CDX2: variants seen among roughly 807,000 people sequenced by gnomAD.
The protein encoded by CDX2 is homeobox protein CDX-2.
A neutral mutation model predicts 25.5 loss-of-function variants in CDX2; 7 were observed. The ratio of observed to expected loss-of-function variants is 0.27; its 90% CI spans 0.16 to 0.52. The LOEUF (loss-of-function observed/expected upper bound fraction) is 0.52. Ranked by LOEUF, CDX2 falls within the 20% of genes least tolerant of loss-of-function variation. CDX2 has a pLI of 0.97. For missense variants in CDX2, 375 were observed against 431.4 expected (o/e 0.87, Z 1.16); for synonymous variants, 222 against 198.6 (o/e 1.12, Z -0.99).
intron 1 of CDX2, 138 bp downstream of exon 1, chr13:27,968,328 G>C (rs1338395436): frequency 7.3e-6 from 8 of 1,092,268 alleles, no homozygotes; most frequent in Non-Finnish European, 9.7e-6. Context: ...ATTTGTCTCC[G>C]GGCCGTGCCC....
rs375335076 is a variant in CDX2, at chr13:27,968,734, G to C, written c.273C>G (p.Ala91=). 1 of 1,510,852 alleles carries C rather than the reference G, an allele frequency of 6.6e-7. No homozygotes were observed. Among genetic ancestry groups the C allele is most frequent in the Non-Finnish European group, 8.8e-7 (1 of 1,136,744 alleles). The allele number at this position is 1,510,852 out of a possible 1,614,324, so 93.6% of individuals were successfully genotyped here. ...AGCCACCGTTGAGGCCGTGAGCCACGGCGTTGGCGGCGGCCGCGGCGCCTC... is the reference window on the plus strand; with the variant it reads ...AGCCACCGTTGAGGCCGTGAGCCACCGCGTTGGCGGCGGCCGCGGCGCCTC... ...APGGAAAAAN[A]VAHGLNGGSP... is the part of the protein sequence containing the mutation. Residue 91 remains alanine, a synonymous_variant, in exon 1 of 3, where the codon GCC becomes GCG. Transcript: ENST00000381020.
Position 27,962,075 on chromosome 13 carries a change from T to C in CDX2, c.*1040A>G, listed in dbSNP as rs957405191. The C allele has an allele frequency of 2.2e-5, 5 of 229,884 alleles. No homozygotes were observed. Among genetic ancestry groups the C allele is most frequent in the South Asian group, 1.8e-4 (1 of 5,494 alleles). 14.2% of individuals were successfully genotyped at this position (229,884 alleles called of 1,614,324 possible). A position where few individuals can be genotyped will look rare whatever the true frequency, so the allele number is the denominator to read the frequency against. ...AATCAGCTTGCAAGCAGAGAAGATA[T>C]TTCATTTCTTTAAAAAATAAAAAAT... On this transcript the variant is annotated 3_prime_UTR_variant, in exon 3 of 3. Transcript: ENST00000381020.
rs1869151331 is a variant in CDX2, at chr13:27,963,221, G to A, written c.836C>T (p.Pro279Leu). ...GGAAGACACCGGACTCAAGGGCTCT[G>A]GGACACTTCTCAGAGGACCTGGCTG... is the stretch of plus-strand genomic sequence containing the variant. ...QPQPGPLRSV[P>L]EPLSPVSSLQ... Residue 279 changes from proline to leucine, a missense_variant, in exon 3 of 3, where the codon CCA (proline) becomes CTA (leucine). Pro to Leu is a moderately conservative substitution (Grantham distance 98, BLOSUM62 -3). Transcript: ENST00000381020. 1.2e-6 allele frequency: 2 copies of A among 1,614,076 alleles called. No homozygotes were observed. Among genetic ancestry groups the A allele is most frequent in the Admixed American group, 3.3e-5 (2 of 60,004 alleles).
Position 27,961,698 on chromosome 13 carries a change from A to T in CDX2, c.*1417T>A, listed in dbSNP as rs80106665. 0.038 allele frequency among the ~76,000 whole-genome samples: 323 copies of T among 8,582 alleles called. 2 individuals are homozygous for T. Among genetic ancestry groups the T allele is most frequent in the South Asian group, 0.23 (38 of 162 alleles). The allele number at this position is 8,582 out of a possible 152,430, so 5.6% of individuals were successfully genotyped here. A position where few individuals can be genotyped will look rare whatever the true frequency, so the allele number is the denominator to read the frequency against. On this transcript the variant is annotated 3_prime_UTR_variant, in exon 3 of 3. Transcript: ENST00000381020. The stretch of plus-strand genomic sequence containing the variant: ...TTGGGAAACTAGGGGGATTTTTTTT[A>T]AAAAAAATTTAATGCTCACGTTTAA...
At chr13:27,968,366 C>T in intron 1 of CDX2, 100 bp downstream of exon 1, 1 of 1,324,090 alleles carries the variant, frequency 7.6e-7, no homozygotes, top group Non-Finnish European at 9.7e-7. Context: ...CCAGACAGCC[C>T]GGGACGCCCC....
chr13:27,969,239 C>T lies in CDX2; in HGVS notation c.-233G>A, dbSNP rs2137546882. ...CTTCCTTCTTTCCTCCCACCTCCTT[C>T]CCACTAGGCTGCAGAGGCGGGGAAG... On this transcript the variant is annotated 5_prime_UTR_variant, in exon 1 of 3. Coordinates refer to ENST00000381020, the MANE Select transcript of CDX2 (RefSeq NM_001265.6). 5.6e-6 allele frequency: 3 copies of T among 536,488 alleles called. No individual in the cohort carries two copies. The highest frequency in any genetic ancestry group is 9.8e-6 in the Non-Finnish European group (3 of 305,266). 33.2% of individuals were successfully genotyped at this position (536,488 alleles called of 1,614,324 possible).
At position 27,963,025 on chromosome 13, in the gene CDX2, A is replaced by C; in HGVS notation, c.*90T>G. 2.4e-6 allele frequency: 3 copies of C among 1,262,460 alleles called. No individual in the cohort carries two copies. The highest frequency in any genetic ancestry group is 3.5e-5 in the South Asian group (2 of 57,358). 78.2% of individuals were successfully genotyped at this position (1,262,460 alleles called of 1,614,324 possible). ...CTGTAGGTCTATGGCTGTGGGTGGGAGGGGAGGGGTCTCTCCTGAGGAGTC... is the reference window on the plus strand; with the variant it reads ...CTGTAGGTCTATGGCTGTGGGTGGGCGGGGAGGGGTCTCTCCTGAGGAGTC... On this transcript the variant is annotated 3_prime_UTR_variant, in exon 3 of 3. Transcript: ENST00000381020.
chr13:27,965,378 G>A (rs1240225606), intron 1 of CDX2, among the ~76,000 whole-genome samples: 2 of 152,196 alleles, frequency 1.3e-5, no homozygotes, highest in Non-Finnish European at 2.9e-5. Flanking sequence ...CCGGGATCCT[G>A]GAAGCATCCA....
chr13:27,963,188 G>C lies in CDX2; in HGVS notation c.869C>G (p.Ala290Gly). Residue 290 changes from alanine (A) to glycine (G), a missense_variant, in exon 3 of 3, where the codon GCC becomes GGC. This residue lies in a region of CDX2 where 58 missense variants were observed against 59.4 expected (regional missense o/e 0.98). Transcript: ENST00000381020. The stretch of plus-strand genomic sequence containing the variant: ...CCCAGGGACAGAGCCAGGCACTGAG[G>C]CTTGCAGGGAAGACACCGGACTCAA... ...EPLSPVSSLQASVPGSVPGVL... is the reference protein window; with the variant it reads ...EPLSPVSSLQGSVPGSVPGVL... 1 of 1,614,196 alleles carries C rather than the reference G, an allele frequency of 6.2e-7. No homozygotes were observed. Among genetic ancestry groups the C allele is most frequent in the Non-Finnish European group, 8.5e-7 (1 of 1,180,020 alleles).
In CDX2 at chr13:27,968,533, G is replaced by A. The variant is rs1869453358; in HGVS notation, c.474C>T (p.Pro158=). Residue 158 remains proline, a synonymous_variant, in exon 1 of 3, where the codon CCC becomes CCT. Coordinates refer to ENST00000381020, the MANE Select transcript of CDX2 (RefSeq NM_001265.6). ...AATAAAEQLS[P]GGQRRNLCEW... Reference sequence around the variant, plus strand: ...CGCACAGGTTCCGCCGCTGGCCGCCGGGAGACAGCTGCTCGGCGGCAGCGG... The same window carrying A: ...CGCACAGGTTCCGCCGCTGGCCGCCAGGAGACAGCTGCTCGGCGGCAGCGG... 2 of 1,564,318 alleles carry A rather than the reference G, an allele frequency of 1.3e-6. No homozygotes were observed. The highest frequency in any genetic ancestry group is 1.7e-6 in the Non-Finnish European group (2 of 1,166,092).
intron 1 of CDX2, among the ~76,000 whole-genome samples, chr13:27,965,828 G>A (rs1869291747): frequency 6.6e-6 from 1 of 152,210 alleles, no homozygotes; most frequent in Admixed American, 6.5e-5. Flanking sequence ...CCCGAGCCTG[G>A]CGTCTCCACC....
rs1329227286 is a variant in CDX2 at position 27,968,751 on chromosome 13, C to A, written c.256G>T (p.Ala86Ser). Residue 86 changes from alanine (A) to serine (S), a missense_variant, in exon 1 of 3, where the codon GCG becomes TCG. This residue lies in a region of CDX2 where 253 missense variants were observed against 247.5 expected (regional missense o/e 1.02). Transcript: ENST00000381020. ...DWNGYAPGGA[A>S]AAANAVAHGL... ...TGAGCCACGGCGTTGGCGGCGGCCG[C>A]GGCGCCTCCGGGCGCGTAGCCATTC... The A allele has an allele frequency of 4.7e-6, 7 of 1,501,600 alleles. No individual in the cohort carries two copies. The highest frequency in any genetic ancestry group is 5.3e-6 in the Non-Finnish European group (6 of 1,133,204). The allele number at this position is 1,501,600 out of a possible 1,614,324, so 93.0% of individuals were successfully genotyped here.
rs1869073308 is a variant in CDX2, at chr13:27,961,965, T to A, written c.*1150A>T. 6.6e-6 allele frequency among the ~76,000 whole-genome samples: 1 copy of A among 152,070 alleles called. No homozygotes were observed. ...CTCAGGCTTGGGGGCAGGGAAGGTC[T>A]CAGAACCTGCTCTTTCAGGCTTCTG... On this transcript the variant is annotated 3_prime_UTR_variant, in exon 3 of 3. Transcript: ENST00000381020.
rs1027542021 is a variant in CDX2, at chr13:27,964,354, G to A, written c.687+516C>T. ...GCAGAGGTTGCAGTGAGCTGAGACCGCGCCATTGCACTTCAGCCTGCACAA... is the reference window on the plus strand; with the variant it reads ...GCAGAGGTTGCAGTGAGCTGAGACCACGCCATTGCACTTCAGCCTGCACAA... On this transcript the variant is annotated intron_variant, in intron 2 of 2. Coordinates refer to ENST00000381020, the MANE Select transcript of CDX2 (RefSeq NM_001265.6). The surrounding 1 kb of genome is among the most constrained non-coding windows in gnomAD (Gnocchi z 4.7). Among the ~76,000 whole-genome samples, 7 of 152,098 alleles carry A rather than the reference G, an allele frequency of 4.6e-5. No homozygotes were observed. Among genetic ancestry groups the A allele is most frequent in the African/African-American group, 1.7e-4 (7 of 41,400 alleles).
rs955131774 is a variant in CDX2, at chr13:27,962,932, A to G, written c.*183T>C. The G allele has an allele frequency of 6.0e-6, 4 of 662,018 alleles. No individual in the cohort carries two copies. Among genetic ancestry groups the G allele is most frequent in the African/African-American group, 3.6e-5 (2 of 55,744 alleles). 41.0% of individuals were successfully genotyped at this position (662,018 alleles called of 1,614,324 possible). ...GGAAAAAGTAAAAATCTGGGAGAGTATATTTCTTGAGGCCCCAAATCCCAC... is the reference window on the plus strand; with the variant it reads ...GGAAAAAGTAAAAATCTGGGAGAGTGTATTTCTTGAGGCCCCAAATCCCAC... On this transcript the variant is annotated 3_prime_UTR_variant, in exon 3 of 3. Coordinates refer to ENST00000381020, the MANE Select transcript of CDX2 (RefSeq NM_001265.6).
At chr13:27,963,426 G>T in intron 2 of CDX2, 57 bp from the exon 3 acceptor site, 1 of 1,363,754 alleles carries the variant, frequency 7.3e-7, no homozygotes, top group Non-Finnish European at 1.0e-6. Context: ...GGGAAAAGAG[G>T]AACAGTACCC....
chr13:27,963,408 A>G (rs748814011), intron 2 of CDX2, 39 bp from the exon 3 acceptor site: 3 of 1,476,478 alleles, frequency 2.0e-6, no homozygotes, highest in Non-Finnish European at 1.8e-6. Context: ...ATTGTGGTGA[A>G]GATGTGAGGG....
In CDX2 at chr13:27,964,844, C is replaced by A; in HGVS notation, c.687+26G>T. On this transcript the variant is annotated intron_variant, in intron 2 of 2. Coordinates refer to ENST00000381020, the MANE Select transcript of CDX2 (RefSeq NM_001265.6). The surrounding 1 kb of genome is among the most constrained non-coding windows in gnomAD (Gnocchi z 4.7). ...TGGTCCTCTGCCAGGCAGTGGCCCG[C>A]CCGGAGGGAGCTAGGCGGTCCCCAC... 6.2e-7 allele frequency: 1 copy of A among 1,612,380 alleles called. No homozygotes were observed. Among genetic ancestry groups the A allele is most frequent in the Non-Finnish European group, 8.5e-7 (1 of 1,179,686 alleles).
chr13:27,964,745 G>T lies in CDX2; in HGVS notation c.687+125C>A, dbSNP rs1328021859. On this transcript the variant is annotated intron_variant, in intron 2 of 2. Transcript: ENST00000381020. The surrounding 1 kb of genome is among the most constrained non-coding windows in gnomAD (Gnocchi z 4.7). ...AAAAAAAAAAAAGGACTCCAAAGAC[G>T]AATGCTTGCATCCTCCTGCTTCAGT... 3.3e-5 allele frequency: 17 copies of T among 519,452 alleles called. No homozygotes were observed. The highest frequency in any genetic ancestry group is 6.1e-4 in the Middle Eastern group (1 of 1,634). 32.2% of individuals were successfully genotyped at this position (519,452 alleles called of 1,614,324 possible).
Sources: gnomAD v4.1 joint callset for allele counts (sites outside exome capture counted in the v4.1 genomes callset) on GRCh38, gnomAD v4.1.1 for gene constraint, gnomAD v4.1.1 regional missense constraint, Gnocchi (gnomAD v3.1) non-coding constraint, MANE v1.5 for transcripts, NCBI Gene and HGNC (gene_info 2026-07-23, HGNC 2026-07-21) for gene names.